RAB35: variants seen among roughly 807,000 people sequenced by gnomAD.
RAB35 encodes the protein ras-related protein Rab-35.
In RAB35, 4 loss-of-function variants were observed where a neutral mutation model predicts 28.9. The observed-to-expected ratio is 0.14, with a 90% CI of 0.07 to 0.32. RAB35 has a LOEUF of 0.32. Among genes scored for constraint, RAB35 ranks in the 10% least tolerant of loss-of-function variants. The probability of loss-of-function intolerance (pLI) is 1.00; values close to 1 mark genes in which losing one functional copy is unlikely to be tolerated. For missense variants in RAB35, 128 were observed against 274.0 expected (o/e 0.47, Z 3.76); for synonymous variants, 99 against 105.1 (o/e 0.94, Z 0.35).
intron 2 of RAB35, 33 bp downstream of exon 2, chr12:120,108,384 G>T: frequency 6.3e-7 from 1 of 1,596,714 alleles, no homozygotes; most frequent in South Asian, 1.1e-5. Context: ...AAACAAAAAC[G>T]ACACCCCAGC....
In RAB35 at chr12:120,096,952, C is replaced by T. The variant is rs185668348; in HGVS notation, c.*293G>A. The stretch of plus-strand genomic sequence containing the variant: ...GTGTGCGGCCGGGTAGAGCAATATA[C>T]ACTATGTACAGACTCTGCGAATCAG... On this transcript the variant is annotated 3_prime_UTR_variant, in exon 6 of 6. Transcript: ENST00000229340. 7.1e-7 allele frequency: 1 copy of T among 1,409,000 alleles called. No individual in the cohort carries two copies. The highest frequency in any genetic ancestry group is 1.2e-5 in the South Asian group (1 of 82,098). The allele number at this position is 1,409,000 out of a possible 1,614,324, so 87.3% of individuals were successfully genotyped here.
At chr12:120,099,656 T>C (rs943593551) in intron 3 of RAB35, among the ~76,000 whole-genome samples, 2 of 152,162 alleles carry the variant, frequency 1.3e-5, no homozygotes, top group African/African-American at 2.4e-5. Flanking sequence ...CCTCCCTTCC[T>C]GCTACTCTTG....
rs1192777250 is a variant in RAB35, at chr12:120,111,865, A to AC, written c.53-3399dup. Among the ~76,000 whole-genome samples the AC allele has an allele frequency of 2.0e-5, 3 of 151,480 alleles. No homozygotes were observed. The East Asian group carries it at 5.8e-4, about 29-fold the overall frequency. ...CTCGGAAACACAAGCTGCAGCCATT[A>AC]CCCCACACCATCAGTGTCAGGGCAG... On this transcript the variant is annotated intron_variant, in intron 1 of 5. Transcript: ENST00000229340.
chr12:120,111,093 A>G (rs12424721), intron 1 of RAB35, among the ~76,000 whole-genome samples: 2,684 of 152,342 alleles, frequency 0.018, 31 homozygotes, highest in Non-Finnish European at 0.026. Flanking sequence ...CAGTGCTGTA[A>G]GCCAGGCCCA....
intron 1 of RAB35, among the ~76,000 whole-genome samples, chr12:120,110,968 C>T (rs1159435515): frequency 1.3e-5 from 2 of 152,218 alleles, no homozygotes; most frequent in African/African-American, 4.8e-5. Flanking sequence ...CCACTGGCCT[C>T]GCCGCCTCCT....
At position 120,107,821 on chromosome 12, in the gene RAB35, C is replaced by T. The variant is rs558523716; in HGVS notation, c.103+596G>A. On this transcript the variant is annotated intron_variant, in intron 2 of 5. Transcript: ENST00000229340. ...GGCAGAGGTTGCAGTGAGCCGAAATCGCGCCACTGCACTCCAGCCTGGGTG... is the reference window on the plus strand; with the variant it reads ...GGCAGAGGTTGCAGTGAGCCGAAATTGCGCCACTGCACTCCAGCCTGGGTG... Among the ~76,000 whole-genome samples, 31 of 140,690 alleles carry T rather than the reference C, an allele frequency of 2.2e-4. No homozygotes were observed. The East Asian group carries it at 5.9e-3, about 27-fold the overall frequency. The allele number at this position is 140,690 out of a possible 152,430, so 92.3% of individuals were successfully genotyped here.
intron 2 of RAB35, 90 bp from the exon 3 acceptor site, chr12:120,104,039 C>T (rs1875768080): frequency 1.3e-6 from 2 of 1,521,486 alleles, no homozygotes; most frequent in Admixed American, 1.9e-5. Flanking sequence ...CCAGGCTCCC[C>T]CACCCTCCCG....
Position 120,096,768 on chromosome 12 carries a change from GGA to G in RAB35, c.*475_*476del. 1 of 1,290,368 alleles carries G rather than the reference GGA, an allele frequency of 7.7e-7. No individual in the cohort carries two copies. The highest frequency in any genetic ancestry group is 1.0e-6 in the Non-Finnish European group (1 of 989,232). 79.9% of individuals were successfully genotyped at this position (1,290,368 alleles called of 1,614,324 possible). A position where few individuals can be genotyped will look rare whatever the true frequency, so the allele number is the denominator to read the frequency against. On this transcript the variant is annotated 3_prime_UTR_variant, in exon 6 of 6. Transcript: ENST00000229340. ...ACCTGTCGGAGAGAATGAGCAACGC[GGA>G]GCCCACTCCACTGGCACGGGCTGGC...
Position 120,110,290 on chromosome 12 carries a change from A to ATTTT in RAB35, c.53-1827_53-1824dup, listed in dbSNP as rs3999541. ...TCTGTTCATGGGAGAAGCCCACAGC[A>ATTTT]TTTTTTTTTTTTTTGGAGAGATAGG... On this transcript the variant is annotated intron_variant, in intron 1 of 5. Transcript: ENST00000229340. Among the ~76,000 whole-genome samples, 84 of 88,590 alleles carry ATTTT rather than the reference A, an allele frequency of 9.5e-4. 11 individuals are homozygous for ATTTT. Among genetic ancestry groups the ATTTT allele is most frequent in the African/African-American group, 2.8e-3 (56 of 20,062 alleles). The allele number at this position is 88,590 out of a possible 152,430, so 58.1% of individuals were successfully genotyped here. A position where few individuals can be genotyped will look rare whatever the true frequency, so the allele number is the denominator to read the frequency against.
chr12:120,113,457 T>C (rs1189978733), intron 1 of RAB35, among the ~76,000 whole-genome samples: 1 of 152,092 alleles, frequency 6.6e-6, no homozygotes, highest in African/African-American at 2.4e-5. Context: ...ATGGCTGGCC[T>C]GAGGGATGCA....
chr12:120,107,879 A>G (rs1489898812), intron 2 of RAB35, among the ~76,000 whole-genome samples: 2 of 151,076 alleles, frequency 1.3e-5, no homozygotes, highest in African/African-American at 2.4e-5. Flanking sequence ...AAAAAAAAAA[A>G]AAAAAAAAAA....
chr12:120,097,305 T>C lies in RAB35; in HGVS notation c.546A>G (p.Gln182=). The C allele has an allele frequency of 6.2e-7, 1 of 1,613,912 alleles. No homozygotes were observed. Among genetic ancestry groups the C allele is most frequent in the Non-Finnish European group, 8.5e-7 (1 of 1,180,046 alleles). Residue 182 remains glutamine, a synonymous_variant, in exon 6 of 6, where the codon CAA becomes CAG. Transcript: ENST00000229340. ...TGAGCTTCACCACATCGTTCTGTTG[T>C]TGCTGCTGCTGTTTTGCCAGGTTGT... is the stretch of plus-strand genomic sequence containing the variant. ...KKDNLAKQQQ[Q]QQNDVVKLTK... is the part of the protein sequence containing the mutation.
rs78261210 is a variant in RAB35, at chr12:120,108,574, C to T, written c.53-107G>A. 5,691 of 1,000,638 alleles carry T rather than the reference C, an allele frequency of 5.7e-3. 135 individuals are homozygous for T. In the East Asian group the frequency reaches 0.061, roughly 11 times the overall value. The allele number at this position is 1,000,638 out of a possible 1,614,324, so 62.0% of individuals were successfully genotyped here. A position where few individuals can be genotyped will look rare whatever the true frequency, so the allele number is the denominator to read the frequency against. ...CCTCAGTCCCAACTCTTAAGAAGCTCGGTGGGACCCAGCTCACTTCTCAAT... is the reference window on the plus strand; with the variant it reads ...CCTCAGTCCCAACTCTTAAGAAGCTTGGTGGGACCCAGCTCACTTCTCAAT... On this transcript the variant is annotated intron_variant, in intron 1 of 5. Transcript: ENST00000229340.
At position 120,096,981 on chromosome 12, in the gene RAB35, G is replaced by A. The variant is rs1040817844; in HGVS notation, c.*264C>T. The A allele has an allele frequency of 2.8e-5, 41 of 1,470,162 alleles. No homozygotes were observed. The Admixed American group carries it at 3.5e-4, about 12-fold the overall frequency. 91.1% of individuals were successfully genotyped at this position (1,470,162 alleles called of 1,614,324 possible). ...ATGTACAGACTCTGCGAATCAGTCCGCTCGGCGGGCAGCGTCCTCGCCAGG... is the reference window on the plus strand; with the variant it reads ...ATGTACAGACTCTGCGAATCAGTCCACTCGGCGGGCAGCGTCCTCGCCAGG... On this transcript the variant is annotated 3_prime_UTR_variant, in exon 6 of 6. Coordinates refer to ENST00000229340, the MANE Select transcript of RAB35 (RefSeq NM_006861.7).
In RAB35 at chr12:120,095,858, G is replaced by A. The variant is rs1438045626; in HGVS notation, c.*1387C>T. 1 of 153,908 alleles carries A rather than the reference G, an allele frequency of 6.5e-6. No individual in the cohort carries two copies. The highest frequency in any genetic ancestry group is 1.4e-5 in the Non-Finnish European group (1 of 69,302). 9.5% of individuals were successfully genotyped at this position (153,908 alleles called of 1,614,324 possible). On this transcript the variant is annotated 3_prime_UTR_variant, in exon 6 of 6. Coordinates refer to ENST00000229340, the MANE Select transcript of RAB35 (RefSeq NM_006861.7). The stretch of plus-strand genomic sequence containing the variant: ...CAGGGCTCTCCCTGGAAATCGCCTA[G>A]GAAAGGAAATCTAAGGAAACACATC...
chr12:120,099,187 C>A (rs1424260511), intron 3 of RAB35, 33 bp from the exon 4 acceptor site: 1 of 1,613,186 alleles, frequency 6.2e-7, no homozygotes, highest in African/African-American at 1.3e-5. Flanking sequence ...AGCATGTCAA[C>A]CCCGACAGGA....
In RAB35 at chr12:120,095,502, A is replaced by C. The variant is rs1875340439; in HGVS notation, c.*1743T>G. On this transcript the variant is annotated 3_prime_UTR_variant, in exon 6 of 6. Coordinates refer to ENST00000229340, the MANE Select transcript of RAB35 (RefSeq NM_006861.7). The stretch of plus-strand genomic sequence containing the variant: ...GCCCACCGGCACAGGAGCCCCAGGC[A>C]CCGTGCATCCTCAGGGCCCGTGGCC... 1 of 150,888 alleles carries C rather than the reference A, an allele frequency of 6.6e-6. No individual in the cohort carries two copies. The highest frequency in any genetic ancestry group is 1.5e-5 in the Non-Finnish European group (1 of 67,856). 9.3% of individuals were successfully genotyped at this position (150,888 alleles called of 1,614,324 possible).
Position 120,097,111 on chromosome 12 carries a change from A to C in RAB35, c.*134T>G. On this transcript the variant is annotated 3_prime_UTR_variant, in exon 6 of 6. Coordinates refer to ENST00000229340, the MANE Select transcript of RAB35 (RefSeq NM_006861.7). ...GGGCGGGGGAGGAAGTGCCGATGGCACCTCCCGATACAAAAACATGGAGAG... is the reference window on the plus strand; with the variant it reads ...GGGCGGGGGAGGAAGTGCCGATGGCCCCTCCCGATACAAAAACATGGAGAG... 6.3e-7 allele frequency: 1 copy of C among 1,594,726 alleles called. No homozygotes were observed. Among genetic ancestry groups the C allele is most frequent in the Non-Finnish European group, 8.5e-7 (1 of 1,174,984 alleles).
chr12:120,097,009 C>CA lies in RAB35; in HGVS notation c.*235dup. The CA allele has an allele frequency of 6.6e-7, 1 of 1,507,326 alleles. No homozygotes were observed. The highest frequency in any genetic ancestry group is 1.4e-5 in the African/African-American group (1 of 72,586). 93.4% of individuals were successfully genotyped at this position (1,507,326 alleles called of 1,614,324 possible). ...CGGCGGGCAGCGTCCTCGCCAGGTC[C>CA]AGGCGCCTTGGCCGGGGAGGAGGGG... On this transcript the variant is annotated 3_prime_UTR_variant, in exon 6 of 6. Transcript: ENST00000229340.
Sources: gnomAD v4.1 joint callset for allele counts (sites outside exome capture counted in the v4.1 genomes callset) on GRCh38, gnomAD v4.1.1 for gene constraint, MANE v1.5 for transcripts, NCBI Gene and HGNC (gene_info 2026-07-23, HGNC 2026-07-21) for gene names.